SYNPO: variants seen among roughly 807,000 people sequenced by gnomAD.
SYNPO encodes the protein synaptopodin.
Under a neutral mutation model 49.5 loss-of-function variants are expected in SYNPO, and 19 were observed. The ratio of observed to expected loss-of-function variants is 0.38; its 90% confidence interval spans 0.27 to 0.56. The LOEUF (loss-of-function observed/expected upper bound fraction) is 0.56, where lower values mean the gene tolerates loss of function less well. Ranked by LOEUF, SYNPO falls within the 20% of genes least tolerant of loss-of-function variation. The pLI, the probability that SYNPO is intolerant of heterozygous loss-of-function variation, is 0.68. For missense variants in SYNPO, 1,131 were observed against 1,248.3 expected (o/e 0.91, Z 1.42); for synonymous variants, 536 against 548.0 (o/e 0.98, Z 0.31).
chr5:150,648,181 C>G lies in SYNPO; in HGVS notation c.-95C>G. The G allele has an allele frequency of 6.4e-7, 1 of 1,572,642 alleles. No homozygotes were observed. Among genetic ancestry groups the G allele is most frequent in the Non-Finnish European group, 8.6e-7 (1 of 1,158,426 alleles). ...CCTTCAAGCCTCCCAGGCCATGCAC[C>G]GGGGCTCAGCCTGAGTTCCACCTCG... is the stretch of plus-strand genomic sequence containing the variant. On this transcript the variant is annotated 5_prime_UTR_variant, in exon 2 of 3. Transcript: ENST00000307662. This position sits in a 1 kb window ranked among gnomAD's most constrained non-coding sequence, Gnocchi z 5.0.
chr5:150,617,110 C>T (rs1288747034), intron 1 of SYNPO, among the ~76,000 whole-genome samples: 2 of 152,098 alleles, frequency 1.3e-5, no homozygotes, highest in Non-Finnish European at 1.5e-5. Flanking sequence ...GAGTCCTCTG[C>T]GTGCATTTTT....
chr5:150,608,818 A>T (rs1459445899), intron 1 of SYNPO, among the ~76,000 whole-genome samples: 1 of 152,206 alleles, frequency 6.6e-6, no homozygotes, highest in Non-Finnish European at 1.5e-5. Context: ...TCCTCAGGTG[A>T]TTCTGATGAG....
At chr5:150,611,135 C>A (rs919739012) in intron 1 of SYNPO, among the ~76,000 whole-genome samples, 3 of 152,176 alleles carry the variant, frequency 2.0e-5, no homozygotes, top group African/African-American at 7.2e-5. Context: ...ACGTAGCACT[C>A]CCAGGCCGCC....
At chr5:150,635,788 C>G (rs1039130353), upstream of SYNPO, among the ~76,000 whole-genome samples, 2 of 152,172 alleles carry the variant, frequency 1.3e-5, no homozygotes, top group Non-Finnish European at 1.5e-5. Flanking sequence ...CGTGTCCTAC[C>G]TCCACATTAT....
chr5:150,612,987 C>T (rs2151356125), intron 1 of SYNPO, among the ~76,000 whole-genome samples: 1 of 152,252 alleles, frequency 6.6e-6, no homozygotes, highest in South Asian at 2.1e-4. Flanking sequence ...CTATGTTGCT[C>T]AGGCTGGTCT....
chr5:150,632,586 C>G (rs1157129970), intron 2 of SYNPO, among the ~76,000 whole-genome samples: 1 of 152,128 alleles, frequency 6.6e-6, no homozygotes. Context: ...GCCATCTGCT[C>G]ACCCCCTGAG....
chr5:150,640,168 A>G, upstream of SYNPO: 1 of 985,398 alleles, frequency 1.0e-6, no homozygotes, highest in Non-Finnish European at 1.2e-6. Flanking sequence ...TTTTACTAGA[A>G]TAAATAATAC....
rs1198105209 is a variant in SYNPO at position 150,656,615 on chromosome 5, G to T, written c.2240G>T (p.Arg747Leu). 6.6e-7 allele frequency: 1 copy of T among 1,513,108 alleles called. No homozygotes were observed. 93.7% of individuals were successfully genotyped at this position (1,513,108 alleles called of 1,614,324 possible). Residue 747 changes from arginine to leucine, a missense_variant, in exon 3 of 3, where the codon CGG (arginine) becomes CTG (leucine). Arg to Leu is a moderately radical substitution (Grantham distance 102). Transcript: ENST00000307662. ...VSPLRPETEA[R>L]PPSRQLQALL... ...CCGCTGCGACCTGAGACCGAGGCGCGGCCCCCCAGCCGCCAGCTGCAGGCG... is the reference window on the plus strand; with the variant it reads ...CCGCTGCGACCTGAGACCGAGGCGCTGCCCCCCAGCCGCCAGCTGCAGGCG...
intron 2 of SYNPO, among the ~76,000 whole-genome samples, chr5:150,631,025 C>T (rs1757519158): frequency 6.6e-6 from 1 of 152,160 alleles, no homozygotes; most frequent in Non-Finnish European, 1.5e-5. Context: ...AGGCCAGTAC[C>T]CAGATAATTG....
exon 2 of SYNPO, chr5:150,618,425 C>A: frequency 1.3e-6 from 2 of 1,551,650 alleles, no homozygotes; most frequent in Non-Finnish European, 1.7e-6. Context: ...GAGGCCTACC[C>A]CCTGCGCCTT....
In SYNPO at chr5:150,656,053, C is replaced by A. The variant is rs561009428; in HGVS notation, c.2029-351C>A. On this transcript the variant is annotated intron_variant, in intron 2 of 2. Transcript: ENST00000307662. ...TTTTCCATCAGTTATCTCATTTAAC[C>A]CTCACAACAACCCTATAAGGTTAAG... Among the ~76,000 whole-genome samples, 8 of 152,338 alleles carry A rather than the reference C, an allele frequency of 5.3e-5. No homozygotes were observed. In the East Asian group the frequency reaches 1.5e-3, roughly 29 times the overall value.
At position 150,657,462 on chromosome 5, in the gene SYNPO, A is replaced by C; in HGVS notation, c.*375A>C. The C allele has an allele frequency of 4.5e-6, 1 of 221,386 alleles. No homozygotes were observed. The highest frequency in any genetic ancestry group is 9.0e-6 in the Non-Finnish European group (1 of 111,650). 13.7% of individuals were successfully genotyped at this position (221,386 alleles called of 1,614,324 possible). A position where few individuals can be genotyped will look rare whatever the true frequency, so the allele number is the denominator to read the frequency against. ...CACACACACACACACACACACACAC[A>C]CACACACACACACACTAGTTAGTGC... On this transcript the variant is annotated 3_prime_UTR_variant, in exon 3 of 3. Coordinates refer to ENST00000307662, the MANE Select transcript of SYNPO (RefSeq NM_007286.6).
At chr5:150,594,804 A>G in the SYNPO span, among the ~76,000 whole-genome samples, 53 of 152,254 alleles carry the variant, frequency 3.5e-4, no homozygotes, top group African/African-American at 1.2e-3. Flanking sequence ...AGAGATGGGG[A>G]AAGTCCTTCC....
intron 2 of SYNPO, chr5:150,651,796 G>A (rs1482773807): frequency 1.0e-6 from 1 of 1,000,292 alleles, no homozygotes; most frequent in African/African-American, 1.7e-5. Flanking sequence ...TTCATACAGT[G>A]AGGGTGTTAA....
rs559031508 is a variant in SYNPO, at chr5:150,658,106, A to G, written c.*1019A>G. On this transcript the variant is annotated 3_prime_UTR_variant, in exon 3 of 3. Coordinates refer to ENST00000307662, the MANE Select transcript of SYNPO (RefSeq NM_007286.6). ...TACGGGAAATATGAAAAGCATGGCCAGGATGCATAGAGGAGATTCTAGCAG... is the reference window on the plus strand; with the variant it reads ...TACGGGAAATATGAAAAGCATGGCCGGGATGCATAGAGGAGATTCTAGCAG... 1 of 152,520 alleles carries G rather than the reference A, an allele frequency of 6.6e-6. No individual in the cohort carries two copies. The highest frequency in any genetic ancestry group is 2.1e-4 in the South Asian group (1 of 4,822). The allele number at this position is 152,520 out of a possible 1,614,324, so 9.4% of individuals were successfully genotyped here.
the SYNPO span, among the ~76,000 whole-genome samples, chr5:150,592,303 G>GT: frequency 6.6e-6 from 1 of 152,078 alleles, no homozygotes; most frequent in Non-Finnish European, 1.5e-5. Context: ...CCTGGAAAAA[G>GT]TTATTTCTTA....
chr5:150,602,997 G>GGGTGTGTGTGT (rs1554106602), intron 1 of SYNPO, among the ~76,000 whole-genome samples: 1 of 131,184 alleles, frequency 7.6e-6, no homozygotes, highest in African/African-American at 3.0e-5. Context: ...GCCACCTTAG[G>GGGTGTGTGTGT]GTGTGTGTGT....
intron 2 of SYNPO, among the ~76,000 whole-genome samples, chr5:150,632,679 T>C (rs570306044): frequency 3.9e-5 from 6 of 152,300 alleles, no homozygotes; most frequent in African/African-American, 1.4e-4. Flanking sequence ...GAAGGAGTGC[T>C]TGATGGTCCA....
intron 1 of SYNPO, among the ~76,000 whole-genome samples, chr5:150,605,026 C>T (rs1271103704): frequency 1.3e-5 from 2 of 152,194 alleles, no homozygotes; most frequent in Admixed American, 1.3e-4. Context: ...AGGAATAGCA[C>T]CTACCTCACA....
Sources: gnomAD v4.1 joint callset for allele counts (sites outside exome capture counted in the v4.1 genomes callset) on GRCh38, gnomAD v4.1.1 for gene constraint, Gnocchi (gnomAD v3.1) non-coding constraint, MANE v1.5 for transcripts, NCBI Gene and HGNC (gene_info 2026-07-23, HGNC 2026-07-21) for gene names.